The following TPH2 variants were observed in gnomAD, a reference collection of about 807,000 sequenced individuals.
The protein encoded by TPH2 is tryptophan hydroxylase 2.
Under a neutral mutation model 59.1 loss-of-function variants are expected in TPH2, and 27 were observed. That is an observed-to-expected ratio of 0.46 (90% CI 0.34 to 0.63). The LOEUF (loss-of-function observed/expected upper bound fraction) is 0.63. Among genes scored for constraint, TPH2 ranks in the 30% least tolerant of loss-of-function variants. The pLI, the probability that TPH2 is intolerant of heterozygous loss-of-function variation, is 0.01. For missense variants in TPH2, 523 were observed against 588.3 expected (o/e 0.89, Z 1.15); for synonymous variants, 220 against 210.5 (o/e 1.05, Z -0.39).
At chr12:71,980,074 G>A (rs7309686) in intron 7 of TPH2, among the ~76,000 whole-genome samples, 87,907 of 151,886 alleles carry the variant, frequency 0.58, 25,663 homozygotes, top group Middle Eastern at 0.61. Flanking sequence ...CCTGGGTGCT[G>A]TTTTTTGGAT....
intron 7 of TPH2, among the ~76,000 whole-genome samples, chr12:71,993,768 G>A (rs1872632269): frequency 6.6e-6 from 1 of 152,192 alleles, no homozygotes; most frequent in Admixed American, 6.5e-5. Context: ...CCATTGCCTG[G>A]CAGAGTGTAA....
intron 7 of TPH2, among the ~76,000 whole-genome samples, chr12:71,989,063 A>T (rs1406443426): frequency 6.7e-6 from 1 of 150,122 alleles, no homozygotes; most frequent in Non-Finnish European, 1.5e-5. Context: ...AGCAAAGAAG[A>T]TTTTCCCCAA....
At chr12:71,984,272 G>A (rs780696693) in intron 7 of TPH2, among the ~76,000 whole-genome samples, 10 of 152,140 alleles carry the variant, frequency 6.6e-5, no homozygotes, top group Non-Finnish European at 1.0e-4. Context: ...TATAATTGCC[G>A]CTGTTTAATT....
chr12:71,944,826 A>G, intron 4 of TPH2, 140 bp downstream of exon 4: 1 of 846,884 alleles, frequency 1.2e-6, no homozygotes, highest in Non-Finnish European at 1.9e-6. Flanking sequence ...GCAGACTTCC[A>G]AATGATAAAG....
chr12:72,012,251 G>A (rs2139236326), intron 8 of TPH2, among the ~76,000 whole-genome samples: 1 of 151,980 alleles, frequency 6.6e-6, no homozygotes, highest in South Asian at 2.1e-4. Context: ...GGAAGCTCAG[G>A]GTCTGGTGGA....
At chr12:71,985,116 T>G (rs893794757) in intron 7 of TPH2, among the ~76,000 whole-genome samples, 5 of 152,186 alleles carry the variant, frequency 3.3e-5, no homozygotes, top group African/African-American at 1.2e-4. Context: ...TACAACACTT[T>G]GAGTTGTTAT....
At chr12:72,016,114 T>A (rs1340645328) in intron 8 of TPH2, among the ~76,000 whole-genome samples, 2 of 152,138 alleles carry the variant, frequency 1.3e-5, no homozygotes, top group African/African-American at 4.8e-5. Context: ...CCACTTGAAC[T>A]TTGAGTCTCA....
chr12:71,958,264 T>C (rs1196908456), intron 5 of TPH2, among the ~76,000 whole-genome samples: 1 of 152,204 alleles, frequency 6.6e-6, no homozygotes, highest in African/African-American at 2.4e-5. Flanking sequence ...CTGAGTAAGG[T>C]CACTTTTAGA....
chr12:71,990,605 A>G (rs1011329950), intron 7 of TPH2, among the ~76,000 whole-genome samples: 2 of 152,248 alleles, frequency 1.3e-5, no homozygotes, highest in Admixed American at 1.3e-4. Context: ...CAGGCACTTC[A>G]ATTTCCTTTG....
chr12:71,994,364 T>C (rs1592402699), intron 7 of TPH2, 75 bp from the exon 8 acceptor site: 1 of 1,558,918 alleles, frequency 6.4e-7, no homozygotes, highest in Non-Finnish European at 8.8e-7. Flanking sequence ...CTTATTTAGG[T>C]TTTTAAGTCT....
intron 6 of TPH2, among the ~76,000 whole-genome samples, chr12:71,976,393 T>C (rs1221175569): frequency 2.0e-5 from 3 of 152,240 alleles, no homozygotes; most frequent in Admixed American, 1.3e-4. Context: ...TATCATTTCA[T>C]TGACTCACTT....
At chr12:71,959,694 C>T (rs761005896) in intron 5 of TPH2, among the ~76,000 whole-genome samples, 21 of 152,016 alleles carry the variant, frequency 1.4e-4, no homozygotes, top group Non-Finnish European at 2.6e-4. Flanking sequence ...TGCCACATTA[C>T]CTATTTTTAG....
intron 8 of TPH2, among the ~76,000 whole-genome samples, chr12:72,015,639 T>A (rs1873227971): frequency 6.6e-6 from 1 of 152,156 alleles, no homozygotes; most frequent in Admixed American, 6.5e-5. Context: ...TTATCTGCAC[T>A]TAACCAAAGC....
rs751783886 is a variant in TPH2, at chr12:72,031,711, T to C, written c.*16T>C. On this transcript the variant is annotated 3_prime_UTR_variant, in exon 11 of 11. Coordinates refer to ENST00000333850, the MANE Select transcript of TPH2 (RefSeq NM_173353.4). ...GGGGATTTGATGCCTGGAACTATGT[T>C]GTTGCCAGCATGATCTTTTTGGGGC... The C allele has an allele frequency of 1.4e-5, 22 of 1,613,154 alleles. No individual in the cohort carries two copies. The highest frequency in any genetic ancestry group is 1.2e-5 in the Non-Finnish European group (14 of 1,179,212).
chr12:71,987,369 G>A (rs1872463853), intron 7 of TPH2, among the ~76,000 whole-genome samples: 1 of 152,118 alleles, frequency 6.6e-6, no homozygotes, highest in Non-Finnish European at 1.5e-5. Flanking sequence ...ACCGAAATAC[G>A]AACATGGCCT....
At chr12:71,979,206 T>C (rs1041136233) in intron 7 of TPH2, 119 bp downstream of exon 7, 1 of 1,391,330 alleles carries the variant, frequency 7.2e-7, no homozygotes, top group Non-Finnish European at 1.0e-6. Context: ...CTAGTGAGAG[T>C]CACATCACTC....
At chr12:71,991,132 C>T (rs1872571539) in intron 7 of TPH2, among the ~76,000 whole-genome samples, 1 of 152,156 alleles carries the variant, frequency 6.6e-6, no homozygotes, top group African/African-American at 2.4e-5. Context: ...CAGGTGATAG[C>T]TCCTTTTTCT....
chr12:71,951,372 G>A (rs1871340886), intron 5 of TPH2, among the ~76,000 whole-genome samples: 1 of 152,098 alleles, frequency 6.6e-6, no homozygotes, highest in African/African-American at 2.4e-5. Context: ...GTTCTTTGTA[G>A]CATGACCAGC....
At chr12:71,990,861 A>T (rs1230124312) in intron 7 of TPH2, among the ~76,000 whole-genome samples, 1 of 152,226 alleles carries the variant, frequency 6.6e-6, no homozygotes, top group Non-Finnish European at 1.5e-5. Flanking sequence ...AAAATACAGC[A>T]TGGTCATTTC....
Sources: allele counts gnomAD v4.1 joint callset (sites outside exome capture counted in the v4.1 genomes callset), GRCh38; gene constraint gnomAD v4.1.1; transcripts MANE v1.5; gene names NCBI Gene and HGNC (gene_info 2026-07-23, HGNC 2026-07-21).